The following TSHZ2 variants were observed in gnomAD, a reference collection of about 807,000 sequenced individuals.
TSHZ2 encodes the protein teashirt zinc finger homeobox 2, also known as teashirt homolog 2.
In TSHZ2, 21 loss-of-function variants were observed where a neutral mutation model predicts 74.4. The ratio of observed to expected loss-of-function variants is 0.28; its 90% CI spans 0.20 to 0.41. The LOEUF (loss-of-function observed/expected upper bound fraction) is 0.41. Ranked by LOEUF, TSHZ2 falls within the 10% of genes least tolerant of loss-of-function variation. The pLI, the probability that TSHZ2 is intolerant of heterozygous loss-of-function variation, is 1.00. For missense variants in TSHZ2, 1,244 were observed against 1,293.5 expected, an observed-to-expected ratio of 0.96 and a Z score of 0.59; for synonymous variants, 540 against 515.3, an observed-to-expected ratio of 1.05 and a Z score of -0.65.
chr20:53,084,951 C>G (rs114994089), intron 1 of TSHZ2, among the ~76,000 whole-genome samples: 2,088 of 152,138 alleles, frequency 0.014, 59 homozygotes, highest in African/African-American at 0.048. Flanking sequence ...CTATTTCAAG[C>G]CATGTAACCT....
intron 2 of TSHZ2, among the ~76,000 whole-genome samples, chr20:53,320,749 AC>A (rs148364074): frequency 0.013 from 1,922 of 152,282 alleles, 38 homozygotes; most frequent in African/African-American, 0.044. Flanking sequence ...CTACTCAACT[AC>A]CTGTCTTCCT....
chr20:53,221,794 A>T (rs1049647701), intron 1 of TSHZ2, among the ~76,000 whole-genome samples: 1 of 152,218 alleles, frequency 6.6e-6, no homozygotes, highest in Non-Finnish European at 1.5e-5. Context: ...CTCAGCTGTT[A>T]AGTATAACCA....
intron 2 of TSHZ2, among the ~76,000 whole-genome samples, chr20:53,471,122 G>A (rs1196736176): frequency 2.6e-5 from 4 of 152,168 alleles, no homozygotes; most frequent in South Asian, 2.1e-4. Flanking sequence ...TCTGGAGTCC[G>A]CTTGTGTTTC....
chr20:53,234,811 T>C (rs1048430333), intron 1 of TSHZ2, among the ~76,000 whole-genome samples: 10 of 152,228 alleles, frequency 6.6e-5, no homozygotes, highest in African/African-American at 2.2e-4. Flanking sequence ...AGAGCTAACA[T>C]ACATAGAAAT....
chr20:53,007,640 C>T (rs1425921393), intron 1 of TSHZ2, among the ~76,000 whole-genome samples: 1 of 149,608 alleles, frequency 6.7e-6, no homozygotes, highest in Non-Finnish European at 1.5e-5. Context: ...TGTGTGTATA[C>T]TCGTGTGTGT....
At chr20:53,425,142 C>A (rs1210364671) in intron 2 of TSHZ2, among the ~76,000 whole-genome samples, 1 of 152,204 alleles carries the variant, frequency 6.6e-6, no homozygotes, top group Non-Finnish European at 1.5e-5. Context: ...AACCACCACA[C>A]TATCTTCCAA....
intron 2 of TSHZ2, among the ~76,000 whole-genome samples, chr20:53,472,611 G>A (rs1985846570): frequency 6.6e-6 from 1 of 152,170 alleles, no homozygotes; most frequent in Non-Finnish European, 1.5e-5. Context: ...TTTCAGAACT[G>A]GAAGATGCTG....
At chr20:53,008,695 A>C (rs1982734728) in intron 1 of TSHZ2, among the ~76,000 whole-genome samples, 1 of 152,150 alleles carries the variant, frequency 6.6e-6, no homozygotes, top group Non-Finnish European at 1.5e-5. Flanking sequence ...TTTTAGAGGA[A>C]AAGTAGTCGA....
chr20:53,140,566 AG>A (rs1195441271), intron 1 of TSHZ2, among the ~76,000 whole-genome samples: 22 of 141,560 alleles, frequency 1.6e-4, no homozygotes, highest in Non-Finnish European at 3.2e-4. Context: ...AAAAAAAAAG[AG>A]GGACAGTCAC....
chr20:53,131,819 AC>A (rs34289663), intron 1 of TSHZ2, among the ~76,000 whole-genome samples: 2,214 of 94,284 alleles, frequency 0.023, 43 homozygotes, highest in Admixed American at 0.061. Context: ...TTGAATGACA[AC>A]CCCCCCCCCC....
chr20:53,350,688 A>C (rs1194278549), intron 2 of TSHZ2, among the ~76,000 whole-genome samples: 1 of 152,192 alleles, frequency 6.6e-6, no homozygotes, highest in African/African-American at 2.4e-5. Context: ...AGTCCCCAGC[A>C]CCTTACAGGA....
chr20:53,187,562 G>A (rs1988629151), intron 1 of TSHZ2, among the ~76,000 whole-genome samples: 1 of 152,138 alleles, frequency 6.6e-6, no homozygotes, highest in South Asian at 2.1e-4. Flanking sequence ...GATGTGGTCC[G>A]TGGCTAGCCG....
At chr20:53,239,024 C>T (rs1990005480) in intron 1 of TSHZ2, among the ~76,000 whole-genome samples, 1 of 152,054 alleles carries the variant, frequency 6.6e-6, no homozygotes, top group African/African-American at 2.4e-5. Flanking sequence ...AAAGAGTTCC[C>T]TCAAGACCTG....
chr20:53,215,886 A>T (rs1318594037), intron 1 of TSHZ2, among the ~76,000 whole-genome samples: 1 of 151,416 alleles, frequency 6.6e-6, no homozygotes, highest in Non-Finnish European at 1.5e-5. Context: ...AAAAAAAAAA[A>T]TTTAAAAAAT....
intron 1 of TSHZ2, among the ~76,000 whole-genome samples, chr20:53,042,716 A>C (rs78180527): frequency 6.6e-6 from 1 of 150,894 alleles, no homozygotes; most frequent in Non-Finnish European, 1.5e-5. Context: ...AAAAAAAAAA[A>C]ACACTGGAAT....
chr20:53,296,590 G>T (rs1486992872), intron 2 of TSHZ2, among the ~76,000 whole-genome samples: 1 of 152,164 alleles, frequency 6.6e-6, no homozygotes, highest in South Asian at 2.1e-4. Context: ...TTAAAACACA[G>T]TCTCTGGACT....
At chr20:53,218,200 C>A (rs6022336) in intron 1 of TSHZ2, among the ~76,000 whole-genome samples, 1 of 152,150 alleles carries the variant, frequency 6.6e-6, no homozygotes, top group East Asian at 1.9e-4. Flanking sequence ...GAGGGCCTCT[C>A]ACCTGTGATT....
intron 2 of TSHZ2, among the ~76,000 whole-genome samples, chr20:53,452,756 G>T (rs1018082705): frequency 1.3e-5 from 2 of 152,268 alleles, no homozygotes; most frequent in East Asian, 1.9e-4. Flanking sequence ...TGTGAAGGAG[G>T]TACATGTTTC....
intron 2 of TSHZ2, among the ~76,000 whole-genome samples, chr20:53,432,300 T>A (rs1272933471): frequency 5.3e-5 from 8 of 152,236 alleles, no homozygotes; most frequent in Non-Finnish European, 1.2e-4. Flanking sequence ...GCAAAAGACA[T>A]TATTTCATTC....
Sources: gnomAD v4.1 joint callset for allele counts (sites outside exome capture counted in the v4.1 genomes callset) on GRCh38, gnomAD v4.1.1 for gene constraint, MANE v1.5 for transcripts, NCBI Gene and HGNC (gene_info 2026-07-23, HGNC 2026-07-21) for gene names.